The following ZDHHC11 variants were observed in gnomAD, a reference collection of about 807,000 sequenced individuals.
ZDHHC11 encodes the protein palmitoyltransferase ZDHHC11.
ZDHHC11 carries 44 observed loss-of-function variants against 51.3 expected under a neutral mutation model. The observed-to-expected ratio is 0.86, with a 90% CI of 0.67 to 1.10. The LOEUF is 1.10. Ranked by LOEUF, ZDHHC11 falls within the 50% of genes least tolerant of loss-of-function variation. ZDHHC11 has a pLI of 0.00. For missense variants in ZDHHC11, 400 were observed against 537.7 expected, an observed-to-expected ratio of 0.74 and a Z score of 2.53; for synonymous variants, 163 against 222.0, an observed-to-expected ratio of 0.73 and a Z score of 2.36.
At chr5:834,405 C>A (rs10079196) in intron 6 of ZDHHC11, among the ~76,000 whole-genome samples, 1 of 152,224 alleles carries the variant, frequency 6.6e-6, no homozygotes, top group Non-Finnish European at 1.5e-5. Context: ...GAACTCCTGG[C>A]CTCAAGCAAT....
At chr5:808,984 TACACACACACACACAC>T (rs56961185) in intron 11 of ZDHHC11, among the ~76,000 whole-genome samples, 1 of 133,752 alleles carries the variant, frequency 7.5e-6, no homozygotes, top group African/African-American at 2.8e-5. Flanking sequence ...GACCATCAGT[TACACACACACACACAC>T]ACACACACAC....
At chr5:842,832 TGGCTCCCGGCGACCCCG>T (rs1305318975) in intron 4 of ZDHHC11, among the ~76,000 whole-genome samples, 2 of 151,494 alleles carry the variant, frequency 1.3e-5, no homozygotes, top group East Asian at 3.9e-4. Context: ...CCAGCTCCTG[TGGCTCCCGGCGACCCCG>T]GGCTGTGGCT....
chr5:814,921 C>G lies in ZDHHC11; in HGVS notation c.1147-126G>C, dbSNP rs1334159020. 2.9e-5 allele frequency: 29 copies of G among 991,634 alleles called. 1 individual carries two copies. In the Admixed American group the frequency reaches 3.3e-4, roughly 11 times the overall value. The allele number at this position is 991,634 out of a possible 1,614,324, so 61.4% of individuals were successfully genotyped here. A position where few individuals can be genotyped will look rare whatever the true frequency, so the allele number is the denominator to read the frequency against. ...AATGGTACTTCAAGAATGCCTGGAT[C>G]ATGGAATAGGATCTCAGTGGTGACA... is the stretch of plus-strand genomic sequence containing the variant. On this transcript the variant is annotated intron_variant, in intron 10 of 12. Transcript: ENST00000283441.
At chr5:843,068 G>A (rs1179625135) in intron 4 of ZDHHC11, among the ~76,000 whole-genome samples, 2 of 152,278 alleles carry the variant, frequency 1.3e-5, no homozygotes, top group Admixed American at 1.3e-4. Context: ...CTCGCCTCTG[G>A]AGCCCACAGT....
At chr5:822,885 T>G (rs1392009869) in intron 8 of ZDHHC11, among the ~76,000 whole-genome samples, 3 of 151,674 alleles carry the variant, frequency 2.0e-5, no homozygotes, top group Non-Finnish European at 4.4e-5. Context: ...AGCTGGTGGT[T>G]CCCTGGTGGC....
intron 8 of ZDHHC11, among the ~76,000 whole-genome samples, chr5:824,949 A>G (rs1742116885): frequency 6.6e-6 from 1 of 151,464 alleles, no homozygotes; most frequent in African/African-American, 2.4e-5. Flanking sequence ...TTTGGTACCC[A>G]TCTGTCTCTG....
intron 12 of ZDHHC11, among the ~76,000 whole-genome samples, chr5:798,574 A>G (rs1174229197): frequency 3.3e-5 from 5 of 150,412 alleles, no homozygotes; most frequent in Non-Finnish European, 5.9e-5. Flanking sequence ...GATCTTTAAA[A>G]TCTACCTTAA....
chr5:837,318 G>C, intron 6 of ZDHHC11, 47 bp downstream of exon 6: 1 of 1,609,358 alleles, frequency 6.2e-7, no homozygotes, highest in Non-Finnish European at 8.5e-7. Context: ...AGTGACCTTA[G>C]ACATTGTCCC....
At position 813,806 on chromosome 5, in the gene ZDHHC11, C is replaced by T. The variant is rs368900813; in HGVS notation, c.1181+955G>A. Among the ~76,000 whole-genome samples, 27 of 147,596 alleles carry T rather than the reference C, an allele frequency of 1.8e-4. No individual in the cohort carries two copies. In the South Asian group the frequency reaches 5.0e-3, roughly 28 times the overall value. ...TGATGGGAGGAATATGGCAGGCAGG[C>T]TGGGGACTGAGATGTGAGGTGAAGG... On this transcript the variant is annotated intron_variant, in intron 11 of 12. Transcript: ENST00000283441.
At position 795,632 on chromosome 5, in the gene ZDHHC11, G is replaced by A. The variant is rs1381059114; in HGVS notation, c.*956C>T. ...CACGTAGTAACTTATAGATATATTT[G>A]GAAAACTGATTATCTTTTAAAAAAT... On this transcript the variant is annotated 3_prime_UTR_variant, in exon 13 of 13. Coordinates refer to ENST00000283441, the MANE Select transcript of ZDHHC11 (RefSeq NM_024786.3). The A allele has an allele frequency of 6.5e-6, 1 of 152,674 alleles. No individual in the cohort carries two copies. The highest frequency in any genetic ancestry group is 1.5e-5 in the Non-Finnish European group (1 of 67,824). 9.5% of individuals were successfully genotyped at this position (152,674 alleles called of 1,614,324 possible).
rs1740290050 is a variant in ZDHHC11 at position 812,987 on chromosome 5, G to A, written c.1181+1774C>T. Among the ~76,000 whole-genome samples the A allele has an allele frequency of 2.1e-5, 3 of 141,078 alleles. 1 individual carries two copies. The highest frequency in any genetic ancestry group is 3.0e-5 in the Non-Finnish European group (2 of 66,852). The allele number at this position is 141,078 out of a possible 152,430, so 92.6% of individuals were successfully genotyped here. On this transcript the variant is annotated intron_variant, in intron 11 of 12. Transcript: ENST00000283441. ...ATCTTCAAACTGATACAATTAGCAT[G>A]TAACAAGGTTATAAGTTCTGAGTAT...
intron 11 of ZDHHC11, among the ~76,000 whole-genome samples, chr5:812,832 T>C (rs1740271036): frequency 6.6e-6 from 1 of 151,132 alleles, no homozygotes. Flanking sequence ...ATGCACATCA[T>C]GAGAGGGTGA....
chr5:844,259 A>C (rs1745730545), intron 3 of ZDHHC11, among the ~76,000 whole-genome samples: 1 of 152,288 alleles, frequency 6.6e-6, no homozygotes, highest in African/African-American at 2.4e-5. Flanking sequence ...CATTCCCACC[A>C]GCACACCGCC....
upstream of ZDHHC11, among the ~76,000 whole-genome samples, chr5:855,449 C>CTT (rs1579848242): frequency 1.6e-5 from 2 of 122,876 alleles, no homozygotes; most frequent in East Asian, 2.7e-4. Flanking sequence ...AGCCAGGGGG[C>CTT]ACAGACCCCA....
chr5:859,850 G>C (rs189286136), upstream of ZDHHC11, among the ~76,000 whole-genome samples: 811 of 151,840 alleles, frequency 5.3e-3, 6 homozygotes, highest in African/African-American at 0.019. Flanking sequence ...GTGTCGGTTG[G>C]GGGGGGTCCC....
intron 1 of ZDHHC11, 148 bp from the exon 2 acceptor site, chr5:848,808 G>GGCCCTGCTCACACA: frequency 8.1e-7 from 1 of 1,240,346 alleles, no homozygotes; most frequent in Non-Finnish European, 1.1e-6. Flanking sequence ...ACCCAGGCCT[G>GGCCCTGCTCACACA]GCCCTGCTCA....
chr5:843,483 T>C (rs1254460951), intron 4 of ZDHHC11, 117 bp downstream of exon 4: 1 of 1,530,188 alleles, frequency 6.5e-7, no homozygotes, highest in Admixed American at 1.9e-5. Flanking sequence ...TGCATGGGGC[T>C]GCCTGCCCCG....
In ZDHHC11 at chr5:796,112, C is replaced by G. The variant is rs1402361981; in HGVS notation, c.*476G>C. The G allele has an allele frequency of 2.9e-5, 1 of 34,392 alleles. No homozygotes were observed. Among genetic ancestry groups the G allele is most frequent in the African/African-American group, 2.1e-4 (1 of 4,790 alleles). 2.1% of individuals were successfully genotyped at this position (34,392 alleles called of 1,614,324 possible). ...TCCCATTTTGCAGTGCTGTGAGCCCCCATTTCCCAGTACTGTGCTCCCATT... is the reference window on the plus strand; with the variant it reads ...TCCCATTTTGCAGTGCTGTGAGCCCGCATTTCCCAGTACTGTGCTCCCATT... On this transcript the variant is annotated 3_prime_UTR_variant, in exon 13 of 13. Transcript: ENST00000283441.
intron 6 of ZDHHC11, among the ~76,000 whole-genome samples, chr5:834,066 G>A (rs1380142714): frequency 6.6e-6 from 1 of 152,296 alleles, no homozygotes. Flanking sequence ...TTCCAGTGTG[G>A]TGGCACTTTA....
Sources: gnomAD v4.1 joint callset for allele counts (sites outside exome capture counted in the v4.1 genomes callset) on GRCh38, gnomAD v4.1.1 for gene constraint, MANE v1.5 for transcripts, NCBI Gene and HGNC (gene_info 2026-07-23, HGNC 2026-07-21) for gene names.